EPM2A: variants seen among roughly 807,000 people sequenced by gnomAD.
The protein encoded by EPM2A is EPM2A glucan phosphatase, laforin, also known as laforin.
Under a neutral mutation model 26.5 loss-of-function variants are expected in EPM2A, and 21 were observed. The observed-to-expected ratio is 0.79, with a 90% CI of 0.56 to 1.14. EPM2A has a LOEUF of 1.14. EPM2A is among the 50% of genes most tolerant of loss of function. The probability of loss-of-function intolerance (pLI) is 0.00; values close to 1 mark genes in which losing one functional copy is unlikely to be tolerated. For synonymous variants in EPM2A, 217 were observed against 177.6 expected, an observed-to-expected ratio of 1.22 and a Z score of -1.76; for missense variants, 458 against 440.8, an observed-to-expected ratio of 1.04 and a Z score of -0.35.
intron 2 of EPM2A, among the ~76,000 whole-genome samples, chr6:145,592,277 T>C (rs1781284516): frequency 6.6e-6 from 1 of 151,290 alleles, no homozygotes; most frequent in South Asian, 2.1e-4. Context: ...TTTCTGTCCT[T>C]GCCATAGTCT....
intron 1 of EPM2A, among the ~76,000 whole-genome samples, chr6:145,720,667 G>C (rs1366378010): frequency 2.0e-5 from 3 of 152,172 alleles, no homozygotes; most frequent in African/African-American, 7.2e-5. Flanking sequence ...CCAAACAACA[G>C]AGATGGTAAT....
intron 2 of EPM2A, among the ~76,000 whole-genome samples, chr6:145,599,392 TTTTC>T (rs1216714651): frequency 1.3e-5 from 2 of 152,010 alleles, no homozygotes; most frequent in East Asian, 3.8e-4. Flanking sequence ...GTTTTTTTTC[TTTTC>T]TTTATTATTG....
At chr6:145,713,257 T>C (rs140597318) in intron 1 of EPM2A, among the ~76,000 whole-genome samples, 246 of 152,310 alleles carry the variant, frequency 1.6e-3, no homozygotes, top group Non-Finnish European at 2.1e-3. Context: ...ACTGCTTATT[T>C]TGTGGTTTCC....
At chr6:145,596,663 T>C (rs1781347010) in intron 2 of EPM2A, among the ~76,000 whole-genome samples, 1 of 152,072 alleles carries the variant, frequency 6.6e-6, no homozygotes, top group Non-Finnish European at 1.5e-5. Context: ...AATGGCTTCC[T>C]ACACCTCCCA....
chr6:145,428,141 A>G (rs1031844454), intron 4 of EPM2A, among the ~76,000 whole-genome samples: 3 of 149,180 alleles, frequency 2.0e-5, no homozygotes, highest in African/African-American at 7.5e-5. Flanking sequence ...AGTTTCAAAA[A>G]TTATGCATCC....
At chr6:145,485,190 A>G (rs1023556425) in intron 4 of EPM2A, among the ~76,000 whole-genome samples, 6 of 151,934 alleles carry the variant, frequency 3.9e-5, no homozygotes, top group Admixed American at 6.6e-5. Flanking sequence ...ATTGCAATAG[A>G]AAAATGTATA....
chr6:145,734,827 G>A (rs573561339), intron 1 of EPM2A: 48 of 156,278 alleles, frequency 3.1e-4, no homozygotes, highest in Non-Finnish European at 2.3e-4. Flanking sequence ...GGCACTCGGA[G>A]GGCGAAGGGA....
At chr6:145,730,355 A>T (rs1776424979) in intron 1 of EPM2A, among the ~76,000 whole-genome samples, 1 of 152,210 alleles carries the variant, frequency 6.6e-6, no homozygotes, top group South Asian at 2.1e-4. Flanking sequence ...CCTAAGGATG[A>T]TTCTTCCACT....
chr6:145,459,314 T>A (rs1458522305), intron 4 of EPM2A, among the ~76,000 whole-genome samples: 4 of 152,142 alleles, frequency 2.6e-5, no homozygotes, highest in Non-Finnish European at 5.9e-5. Context: ...AAAATCTGGA[T>A]AAGGTGGGAA....
At chr6:145,618,162 T>G (rs1041000696) in intron 2 of EPM2A, among the ~76,000 whole-genome samples, 1 of 152,072 alleles carries the variant, frequency 6.6e-6, no homozygotes, top group Admixed American at 6.6e-5. Context: ...TGAGGACTCA[T>G]GAAGATGCCT....
intron 2 of EPM2A, among the ~76,000 whole-genome samples, chr6:145,521,206 G>C (rs1353694972): frequency 2.0e-5 from 3 of 152,084 alleles, no homozygotes; most frequent in Non-Finnish European, 4.4e-5. Flanking sequence ...TATAATGAAG[G>C]GATTCTATAG....
intron 2 of EPM2A, among the ~76,000 whole-genome samples, chr6:145,514,513 AGT>A (rs1780098687): frequency 6.6e-6 from 1 of 152,194 alleles, no homozygotes; most frequent in African/African-American, 2.4e-5. Flanking sequence ...CTGTGGATTC[AGT>A]GTGTTAGCTG....
chr6:145,702,164 A>G (rs1429989792), intron 1 of EPM2A, among the ~76,000 whole-genome samples: 1 of 152,200 alleles, frequency 6.6e-6, no homozygotes, highest in East Asian at 1.9e-4. Flanking sequence ...GCGTCCTGCA[A>G]TATGGCATCT....
intron 4 of EPM2A, among the ~76,000 whole-genome samples, chr6:145,473,159 G>A (rs2114726987): frequency 6.6e-6 from 1 of 152,074 alleles, no homozygotes; most frequent in Non-Finnish European, 1.5e-5. Context: ...TCAAGATAAT[G>A]CAGCGAAGGA....
intron 4 of EPM2A, among the ~76,000 whole-genome samples, chr6:145,495,310 A>ATT (rs71028352): frequency 0.44 from 63,761 of 143,408 alleles, 13,844 homozygotes; most frequent in South Asian, 0.57. Context: ...AACCACTGGG[A>ATT]TTTTTTTTTT....
intron 4 of EPM2A, among the ~76,000 whole-genome samples, chr6:145,419,185 C>T (rs573270167): frequency 6.7e-6 from 1 of 149,126 alleles, no homozygotes; most frequent in African/African-American, 2.5e-5. Context: ...AAATGTCCCC[C>T]CCCCCCGCTC....
intron 2 of EPM2A, among the ~76,000 whole-genome samples, chr6:145,552,953 C>T (rs1780675463): frequency 6.6e-6 from 1 of 152,066 alleles, no homozygotes; most frequent in East Asian, 1.9e-4. Flanking sequence ...TATCTAACCA[C>T]TTAAAATACT....
chr6:145,613,818 T>A (rs1249904087), intron 2 of EPM2A, among the ~76,000 whole-genome samples: 1 of 152,208 alleles, frequency 6.6e-6, no homozygotes, highest in Admixed American at 6.5e-5. Context: ...GTTGTTTTAT[T>A]TATAGAGCAC....
At chr6:145,678,921 C>T (rs1396098099) in intron 2 of EPM2A, among the ~76,000 whole-genome samples, 2 of 151,948 alleles carry the variant, frequency 1.3e-5, no homozygotes, top group South Asian at 2.1e-4. Context: ...AAGGATTATA[C>T]GTCATGCTAC....
Sources: allele counts gnomAD v4.1 joint callset (sites outside exome capture counted in the v4.1 genomes callset), GRCh38; gene constraint gnomAD v4.1.1; transcripts MANE v1.5; gene names NCBI Gene and HGNC (gene_info 2026-07-23, HGNC 2026-07-21).